The following MAP7 variants were observed in gnomAD, a reference collection of about 807,000 sequenced individuals.
MAP7 encodes microtubule associated protein 7.
A neutral mutation model predicts 94.8 loss-of-function variants in MAP7; 52 were observed. That is an observed-to-expected ratio of 0.55 (90% CI 0.44 to 0.69). The LOEUF is 0.69. Ranked by LOEUF, MAP7 falls within the 30% of genes least tolerant of loss-of-function variation. The pLI, the probability that MAP7 is intolerant of heterozygous loss-of-function variation, is 0.00. For missense variants in MAP7, 940 were observed against 964.6 expected (o/e 0.97, Z 0.34); for synonymous variants, 350 against 357.0 (o/e 0.98, Z 0.22).
At chr6:136,485,990 T>C (rs1814616567) in intron 1 of MAP7, among the ~76,000 whole-genome samples, 1 of 152,224 alleles carries the variant, frequency 6.6e-6, no homozygotes, top group African/African-American at 2.4e-5. Flanking sequence ...CCTAGAACCT[T>C]GTGAAACATC....
At position 136,380,282 on chromosome 6, in the gene MAP7, C is replaced by T. The variant is rs532548971; in HGVS notation, c.638-2414G>A. On this transcript the variant is annotated intron_variant, in intron 6 of 17. Transcript: ENST00000354570. ...CTGCCTTACCACTTCCTCCCATAAGCGTGACATCACTATTCCATTTCAGGT... is the reference window on the plus strand; with the variant it reads ...CTGCCTTACCACTTCCTCCCATAAGTGTGACATCACTATTCCATTTCAGGT... Among the ~76,000 whole-genome samples the T allele has an allele frequency of 7.9e-5, 12 of 152,270 alleles. No homozygotes were observed. The South Asian group carries it at 1.0e-3, about 13-fold the overall frequency.
At chr6:136,349,276 A>G (rs977161827) in intron 16 of MAP7, among the ~76,000 whole-genome samples, 3 of 152,186 alleles carry the variant, frequency 2.0e-5, no homozygotes, top group African/African-American at 7.2e-5. Context: ...TTTCATAAAG[A>G]TATATTTCAA....
intron 1 of MAP7, among the ~76,000 whole-genome samples, chr6:136,516,138 C>T (rs760213970): frequency 2.0e-5 from 3 of 151,636 alleles, no homozygotes; most frequent in South Asian, 2.1e-4. Context: ...CTAGCTTGGT[C>T]TGGGGACATC....
intron 1 of MAP7, among the ~76,000 whole-genome samples, chr6:136,523,961 C>T (rs543892411): frequency 6.6e-6 from 1 of 152,102 alleles, no homozygotes; most frequent in East Asian, 1.9e-4. Context: ...AAGAAGAGGG[C>T]AGGGCGCAGT....
chr6:136,484,976 G>A (rs1311107633), intron 1 of MAP7, among the ~76,000 whole-genome samples: 2 of 152,188 alleles, frequency 1.3e-5, no homozygotes, highest in Admixed American at 6.5e-5. Context: ...TTACAGGCAT[G>A]AGCCACTGTG....
intron 12 of MAP7, 50 bp downstream of exon 12, chr6:136,360,955 G>A: frequency 6.5e-7 from 1 of 1,545,600 alleles, no homozygotes; most frequent in Non-Finnish European, 8.7e-7. Flanking sequence ...CTGGGCTGGG[G>A]CGTCTCCCTG....
At chr6:136,410,285 G>A (rs558548619) in intron 3 of MAP7, among the ~76,000 whole-genome samples, 12 of 152,308 alleles carry the variant, frequency 7.9e-5, no homozygotes, top group African/African-American at 2.9e-4. Flanking sequence ...AAGGACATAC[G>A]CATGGACTTG....
Position 136,377,809 on chromosome 6 carries a change from T to C in MAP7, c.697A>G (p.Thr233Ala), listed in dbSNP as rs1413344107. Residue 233 changes from threonine (T) to alanine (A), a missense_variant, in exon 7 of 18, where the codon ACA (threonine) becomes GCA (alanine). Transcript: ENST00000354570. ...SSVVNRLLTPTHSFLARSKST... is the reference protein window; with the variant it reads ...SSVVNRLLTPAHSFLARSKST... ...TTACTTCTGGCCAGGAACGAATGTG[T>C]GGGCGTCAGGAGTCTGTTAACAACG... The C allele has an allele frequency of 1.2e-6, 2 of 1,614,032 alleles. No homozygotes were observed. The highest frequency in any genetic ancestry group is 1.3e-5 in the African/African-American group (1 of 74,930).
chr6:136,436,376 A>G (rs1276506351), intron 1 of MAP7, among the ~76,000 whole-genome samples: 2 of 150,774 alleles, frequency 1.3e-5, no homozygotes, highest in African/African-American at 4.9e-5. Context: ...ATATTCTAAA[A>G]GATGATTTTT....
chr6:136,540,078 G>GA (rs950393111), intron 1 of MAP7, among the ~76,000 whole-genome samples: 6 of 152,096 alleles, frequency 3.9e-5, no homozygotes, highest in African/African-American at 1.4e-4. Flanking sequence ...ATCCTGCTGA[G>GA]AAAAAAATGC....
intron 1 of MAP7, among the ~76,000 whole-genome samples, chr6:136,465,181 T>C (rs1806567000): frequency 6.6e-6 from 1 of 152,230 alleles, no homozygotes; most frequent in Non-Finnish European, 1.5e-5. Context: ...TTCTGTGTTA[T>C]CTACTTTTGC....
chr6:136,463,639 G>A (rs1805980540), intron 1 of MAP7, among the ~76,000 whole-genome samples: 1 of 152,108 alleles, frequency 6.6e-6, no homozygotes, highest in Non-Finnish European at 1.5e-5. Context: ...TTATATTGGA[G>A]TAACACTGTA....
intron 3 of MAP7, among the ~76,000 whole-genome samples, chr6:136,404,766 A>G (rs1183903048): frequency 6.6e-6 from 1 of 152,214 alleles, no homozygotes; most frequent in Non-Finnish European, 1.5e-5. Flanking sequence ...CTCCAAACTT[A>G]CTTGTTATTA....
chr6:136,376,117 G>C (rs1215914955), intron 7 of MAP7, among the ~76,000 whole-genome samples: 1 of 144,756 alleles, frequency 6.9e-6, no homozygotes, highest in Non-Finnish European at 1.5e-5. Flanking sequence ...TTTTTTTTTT[G>C]AGACGGAGTC....
chr6:136,494,935 TAC>T (rs1352805002), intron 1 of MAP7, among the ~76,000 whole-genome samples: 5 of 152,100 alleles, frequency 3.3e-5, no homozygotes, highest in Non-Finnish European at 7.4e-5. Context: ...TGTACACACA[TAC>T]ACACAAACAG....
At chr6:136,392,388 CTTT>C (rs11347286) in intron 3 of MAP7, among the ~76,000 whole-genome samples, 83 of 102,584 alleles carry the variant, frequency 8.1e-4, no homozygotes, top group Middle Eastern at 5.8e-3. Context: ...CTGCATCTTG[CTTT>C]TTTTTTTTTT....
rs201015988 is a variant in MAP7 at position 136,354,204 on chromosome 6, TAA to T, written c.2015+2486_2015+2487del. On this transcript the variant is annotated intron_variant, in intron 16 of 17. Coordinates refer to ENST00000354570, the MANE Select transcript of MAP7 (RefSeq NM_003980.6). The stretch of plus-strand genomic sequence containing the variant: ...TAAAAATATATATATCTACTATATA[TAA>T]ATTTCCTTTATATAAATTCTTTTAA... Among the ~76,000 whole-genome samples, 1,261 of 145,358 alleles carry T rather than the reference TAA, an allele frequency of 8.7e-3. 54 individuals are homozygous for T. The East Asian group carries it at 0.13, about 15-fold the overall frequency.
chr6:136,455,795 C>T (rs1018910361), intron 1 of MAP7, among the ~76,000 whole-genome samples: 1 of 152,112 alleles, frequency 6.6e-6, no homozygotes, highest in Admixed American at 6.5e-5. Flanking sequence ...TGAGAATCAG[C>T]AGACTCAATA....
At chr6:136,548,432 A>C (rs745992637) in intron 1 of MAP7, among the ~76,000 whole-genome samples, 20 of 152,198 alleles carry the variant, frequency 1.3e-4, no homozygotes, top group Non-Finnish European at 2.8e-4. Flanking sequence ...AATAGGAAAG[A>C]GATGCGGGGC....
Sources: allele counts gnomAD v4.1 joint callset (sites outside exome capture counted in the v4.1 genomes callset), GRCh38; gene constraint gnomAD v4.1.1; transcripts MANE v1.5; gene names NCBI Gene and HGNC (gene_info 2026-07-23, HGNC 2026-07-21).